The following FSTL5 variants were observed in gnomAD, a reference collection of about 807,000 sequenced individuals.
FSTL5 encodes the protein follistatin-related protein 5.
Under a neutral mutation model 89.1 loss-of-function variants are expected in FSTL5, and 62 were observed. The ratio of observed to expected loss-of-function variants is 0.70; its 90% CI spans 0.57 to 0.86. The LOEUF (loss-of-function observed/expected upper bound fraction) is 0.86. Among genes scored for constraint, FSTL5 ranks in the 40% least tolerant of loss-of-function variants. The pLI is 0.00. For synonymous variants in FSTL5, 383 were observed against 346.2 expected (o/e 1.11, Z -1.18); for missense variants, 1,057 against 1,001.6 (o/e 1.06, Z -0.75).
intron 6 of FSTL5, among the ~76,000 whole-genome samples, chr4:161,727,057 G>A (rs949522831): frequency 6.6e-6 from 1 of 152,132 alleles, no homozygotes; most frequent in Non-Finnish European, 1.5e-5. Context: ...ATTTTAAAGA[G>A]ATATTCTGAT....
chr4:161,868,177 A>G (rs1732152292), intron 4 of FSTL5, among the ~76,000 whole-genome samples: 1 of 152,168 alleles, frequency 6.6e-6, no homozygotes, highest in African/African-American at 2.4e-5. Flanking sequence ...ATAAATAAAC[A>G]TAGCTTTGAA....
At chr4:161,705,504 T>A (rs1219234034) in intron 6 of FSTL5, among the ~76,000 whole-genome samples, 3 of 152,184 alleles carry the variant, frequency 2.0e-5, no homozygotes, top group Admixed American at 6.6e-5. Context: ...CAGTTCAAAT[T>A]GGAAGGGAGA....
intron 4 of FSTL5, among the ~76,000 whole-genome samples, chr4:161,830,389 T>G (rs1252828354): frequency 6.6e-6 from 1 of 152,048 alleles, no homozygotes; most frequent in Non-Finnish European, 1.5e-5. Context: ...TTTTAATGAG[T>G]GTTTATTTTT....
chr4:161,668,265 C>T (rs2126694828), intron 6 of FSTL5, among the ~76,000 whole-genome samples: 1 of 152,168 alleles, frequency 6.6e-6, no homozygotes, highest in Admixed American at 6.5e-5. Flanking sequence ...ATTTGATAAC[C>T]TAGGTTAAAT....
At chr4:162,058,681 G>A (rs866910240) in intron 2 of FSTL5, among the ~76,000 whole-genome samples, 1 of 151,856 alleles carries the variant, frequency 6.6e-6, no homozygotes, top group African/African-American at 2.4e-5. Context: ...TGTCTGCCTC[G>A]GCCTCCCAAA....
chr4:161,527,294 G>T (rs1731256099), intron 10 of FSTL5, among the ~76,000 whole-genome samples: 1 of 152,170 alleles, frequency 6.6e-6, no homozygotes, highest in Middle Eastern at 3.4e-3. Flanking sequence ...ATTGACAAAT[G>T]GGATCTAATT....
chr4:161,522,686 CT>C (rs1731080978), intron 10 of FSTL5, among the ~76,000 whole-genome samples: 2 of 151,402 alleles, frequency 1.3e-5, no homozygotes, highest in Non-Finnish European at 2.9e-5. Flanking sequence ...CTTGGAGAAT[CT>C]TTTTCAAACT....
intron 3 of FSTL5, among the ~76,000 whole-genome samples, chr4:161,991,656 G>T (rs1736114913): frequency 1.3e-5 from 2 of 152,096 alleles, no homozygotes; most frequent in African/African-American, 4.8e-5. Context: ...CAGAGGGCCG[G>T]TTTTTCATAT....
chr4:161,881,557 T>A (rs1732630776), intron 4 of FSTL5, among the ~76,000 whole-genome samples: 1 of 152,104 alleles, frequency 6.6e-6, no homozygotes, highest in Non-Finnish European at 1.5e-5. Context: ...AGATTTCAAC[T>A]CCAGCGCGTT....
chr4:161,690,494 C>T (rs1372976163), intron 6 of FSTL5, among the ~76,000 whole-genome samples: 3 of 151,908 alleles, frequency 2.0e-5, no homozygotes, highest in Non-Finnish European at 4.4e-5. Flanking sequence ...GTCACTTGCC[C>T]ATGTTTTCAT....
At chr4:161,842,437 T>C (rs1476787532) in intron 4 of FSTL5, among the ~76,000 whole-genome samples, 1 of 152,190 alleles carries the variant, frequency 6.6e-6, no homozygotes, top group Non-Finnish European at 1.5e-5. Flanking sequence ...AATTGGTATC[T>C]CTTTATATGT....
chr4:161,817,927 A>G (rs1730377096), intron 4 of FSTL5, among the ~76,000 whole-genome samples: 1 of 152,290 alleles, frequency 6.6e-6, no homozygotes, highest in African/African-American at 2.4e-5. Flanking sequence ...AGTGCTGAGT[A>G]AGGAGGGCGT....
intron 7 of FSTL5, among the ~76,000 whole-genome samples, chr4:161,608,185 A>T (rs1734517610): frequency 6.6e-6 from 1 of 152,146 alleles, no homozygotes; most frequent in Non-Finnish European, 1.5e-5. Flanking sequence ...ATGCTGTGTA[A>T]ATTACAATAA....
chr4:161,680,872 C>T (rs896655472), intron 6 of FSTL5, among the ~76,000 whole-genome samples: 1 of 151,920 alleles, frequency 6.6e-6, no homozygotes, highest in African/African-American at 2.4e-5. Context: ...CTGAAACTAG[C>T]AAGATTCAAG....
chr4:161,771,744 C>T (rs1741218027), intron 5 of FSTL5, among the ~76,000 whole-genome samples: 1 of 152,136 alleles, frequency 6.6e-6, no homozygotes, highest in African/African-American at 2.4e-5. Flanking sequence ...TTGTCAACTT[C>T]ATAAAACACA....
chr4:161,786,973 T>A (rs922079066), intron 4 of FSTL5, among the ~76,000 whole-genome samples: 2 of 152,144 alleles, frequency 1.3e-5, no homozygotes, highest in Non-Finnish European at 2.9e-5. Context: ...TTGTGCACTT[T>A]CTTATGAATA....
chr4:161,418,092 T>G (rs970257407), intron 15 of FSTL5, among the ~76,000 whole-genome samples: 2 of 152,142 alleles, frequency 1.3e-5, no homozygotes, highest in African/African-American at 4.8e-5. Context: ...AATTCATCTG[T>G]TTTCCTCCTG....
intron 4 of FSTL5, among the ~76,000 whole-genome samples, chr4:161,777,427 T>C (rs958133154): frequency 1.3e-5 from 2 of 152,036 alleles, no homozygotes; most frequent in African/African-American, 4.8e-5. Context: ...GGATTGCCTG[T>C]AAACTGCTGG....
intron 15 of FSTL5, among the ~76,000 whole-genome samples, chr4:161,446,637 C>T (rs530164017): frequency 6.6e-6 from 1 of 152,078 alleles, no homozygotes; most frequent in East Asian, 1.9e-4. Context: ...CTAGCTAATG[C>T]TATATATGAT....
Sources: allele counts gnomAD v4.1 joint callset (sites outside exome capture counted in the v4.1 genomes callset), GRCh38; gene constraint gnomAD v4.1.1; transcripts MANE v1.5; gene names NCBI Gene and HGNC (gene_info 2026-07-23, HGNC 2026-07-21).